Variants in SHTN1 observed in about 807,000 individuals in gnomAD.
SHTN1 encodes shootin-1.
Under a neutral mutation model 83.1 loss-of-function variants are expected in SHTN1, and 42 were observed. That is an observed-to-expected ratio of 0.51 (90% CI 0.39 to 0.65). The LOEUF is 0.65. Ranked by LOEUF, SHTN1 falls within the 30% of genes least tolerant of loss-of-function variation. The pLI, the probability that SHTN1 is intolerant of heterozygous loss-of-function variation, is 0.00. For synonymous variants in SHTN1, 224 were observed against 247.7 expected, an observed-to-expected ratio of 0.90 and a Z score of 0.90; for missense variants, 622 against 737.8, an observed-to-expected ratio of 0.84 and a Z score of 1.82.
chr10:117,012,782 A>T (rs1852128235), intron 2 of SHTN1, among the ~76,000 whole-genome samples: 1 of 152,216 alleles, frequency 6.6e-6, no homozygotes, highest in African/African-American at 2.4e-5. Flanking sequence ...CAGATTAACA[A>T]TACCTGCCAT....
intron 3 of SHTN1, among the ~76,000 whole-genome samples, chr10:116,961,206 T>A (rs768074388): frequency 2.0e-5 from 3 of 151,790 alleles, no homozygotes; most frequent in Non-Finnish European, 4.4e-5. Flanking sequence ...CAAAGAGAGA[T>A]TACTTTTGCT....
At chr10:116,976,412 A>C (rs1410456822) in intron 2 of SHTN1, among the ~76,000 whole-genome samples, 1 of 152,180 alleles carries the variant, frequency 6.6e-6, no homozygotes, top group Non-Finnish European at 1.5e-5. Flanking sequence ...ATGTGGAAGG[A>C]AAAAATACCT....
upstream of SHTN1, among the ~76,000 whole-genome samples, chr10:117,009,745 A>C (rs1852074955): frequency 6.6e-6 from 1 of 151,970 alleles, no homozygotes; most frequent in Non-Finnish European, 1.5e-5. Context: ...TCTACTAAAA[A>C]TACAAAAAAT....
At chr10:116,936,893 A>G (rs757979405) in intron 9 of SHTN1, among the ~76,000 whole-genome samples, 39 of 152,252 alleles carry the variant, frequency 2.6e-4, no homozygotes, top group Non-Finnish European at 1.8e-4. Flanking sequence ...TTCTTGTTGC[A>G]TTAATACCTT....
At chr10:116,950,507 T>G (rs1278690487) in intron 6 of SHTN1, among the ~76,000 whole-genome samples, 1 of 152,166 alleles carries the variant, frequency 6.6e-6, no homozygotes, top group Non-Finnish European at 1.5e-5. Flanking sequence ...ATGTCTGAAA[T>G]AGCCATAATA....
chr10:116,998,924 G>T (rs1337792115), intron 1 of SHTN1, among the ~76,000 whole-genome samples: 2 of 152,142 alleles, frequency 1.3e-5, no homozygotes, highest in Non-Finnish European at 2.9e-5. Context: ...ATATATATGT[G>T]TAACCATCCA....
intron 1 of SHTN1, among the ~76,000 whole-genome samples, chr10:117,093,784 G>A (rs1853468394): frequency 6.6e-6 from 1 of 152,144 alleles, no homozygotes; most frequent in African/African-American, 2.4e-5. Context: ...CAGTGCTATT[G>A]TGCAGGTAAA....
At chr10:117,017,484 C>A (rs1460221987) in intron 2 of SHTN1, among the ~76,000 whole-genome samples, 1 of 99,314 alleles carries the variant, frequency 1.0e-5, no homozygotes. Flanking sequence ...GAGCGAGACT[C>A]CGTCTCAAAA....
chr10:117,011,659 C>T (rs986905704), intron 2 of SHTN1, among the ~76,000 whole-genome samples: 2 of 152,044 alleles, frequency 1.3e-5, no homozygotes, highest in African/African-American at 4.8e-5. Flanking sequence ...ATTCCATACA[C>T]CAGCAATGAA....
intron 1 of SHTN1, among the ~76,000 whole-genome samples, chr10:117,108,999 A>G (rs1411959418): frequency 6.6e-6 from 1 of 152,188 alleles, no homozygotes; most frequent in Non-Finnish European, 1.5e-5. Context: ...CTGAAGACCT[A>G]TTGACTAAGA....
intron 1 of SHTN1, among the ~76,000 whole-genome samples, chr10:116,991,452 G>A (rs1431567175): frequency 6.6e-6 from 1 of 152,174 alleles, no homozygotes; most frequent in Non-Finnish European, 1.5e-5. Context: ...ACCCCTGGCA[G>A]AAGGCGAAGG....
chr10:117,076,662 C>T (rs1309001544), intron 1 of SHTN1, among the ~76,000 whole-genome samples: 7 of 152,112 alleles, frequency 4.6e-5, no homozygotes, highest in East Asian at 1.9e-4. Context: ...TTTCAAATAT[C>T]GAAAGTTATT....
intron 1 of SHTN1, among the ~76,000 whole-genome samples, chr10:117,074,605 T>C (rs1435961595): frequency 1.3e-5 from 2 of 152,254 alleles, no homozygotes; most frequent in Admixed American, 6.5e-5. Flanking sequence ...TTTTGATATA[T>C]GTAAATTAAT....
chr10:116,971,597 C>T (rs1850621982), intron 2 of SHTN1, among the ~76,000 whole-genome samples: 1 of 152,144 alleles, frequency 6.6e-6, no homozygotes, highest in African/African-American at 2.4e-5. Flanking sequence ...GTCTGTCTAC[C>T]TTCCTCCAAT....
At chr10:117,118,263 A>T (rs1415084171) in intron 1 of SHTN1, among the ~76,000 whole-genome samples, 1 of 152,060 alleles carries the variant, frequency 6.6e-6, no homozygotes, top group Non-Finnish European at 1.5e-5. Flanking sequence ...ACAGTTCTCA[A>T]CAGAAGACAT....
At chr10:116,928,157 A>G (rs1486363045) in intron 10 of SHTN1, among the ~76,000 whole-genome samples, 1 of 152,192 alleles carries the variant, frequency 6.6e-6, no homozygotes, top group Non-Finnish European at 1.5e-5. Flanking sequence ...ATTAAAAACA[A>G]TGGCTGAAGG....
At chr10:117,111,510 T>G (rs1589937019) in intron 1 of SHTN1, among the ~76,000 whole-genome samples, 1 of 151,952 alleles carries the variant, frequency 6.6e-6, no homozygotes, top group African/African-American at 2.4e-5. Flanking sequence ...GCCAGGCTGG[T>G]CTTGAACTCC....
intron 1 of SHTN1, among the ~76,000 whole-genome samples, chr10:117,102,629 G>A (rs1221547330): frequency 1.3e-5 from 2 of 151,792 alleles, no homozygotes; most frequent in Non-Finnish European, 2.9e-5. Context: ...CAGATATTTT[G>A]GCAATTTTCC....
At chr10:117,032,625 G>C (rs1052200994) in intron 2 of SHTN1, among the ~76,000 whole-genome samples, 2 of 152,154 alleles carry the variant, frequency 1.3e-5, no homozygotes, top group Admixed American at 1.3e-4. Context: ...TCCACTTTCA[G>C]CACTGGACAG....
Sources: allele counts gnomAD v4.1 joint callset (sites outside exome capture counted in the v4.1 genomes callset), GRCh38; gene constraint gnomAD v4.1.1; transcripts MANE v1.5; gene names NCBI Gene and HGNC (gene_info 2026-07-23, HGNC 2026-07-21).